The following AMPH variants were observed in gnomAD, a reference collection of about 807,000 sequenced individuals.
AMPH encodes amphiphysin (Stiff-Mann syndrome with breast cancer 128kD autoantigen).
AMPH carries 49 observed loss-of-function variants against 99.1 expected under a neutral mutation model. That is an observed-to-expected ratio of 0.49 (90% confidence interval 0.39 to 0.63). The LOEUF is 0.63. Ranked by LOEUF, AMPH falls within the 20% of genes least tolerant of loss-of-function variation. AMPH has a pLI of 0.00. For missense variants in AMPH, 759 were observed against 863.4 expected (o/e 0.88, Z 1.52); for synonymous variants, 314 against 317.3 (o/e 0.99, Z 0.11).
At chr7:38,551,182 A>G (rs1037958216) in intron 1 of AMPH, among the ~76,000 whole-genome samples, 2 of 152,180 alleles carry the variant, frequency 1.3e-5, no homozygotes, top group African/African-American at 2.4e-5. Context: ...CATCAGGCAA[A>G]TCTATGTCAG....
intron 1 of AMPH, among the ~76,000 whole-genome samples, chr7:38,618,265 C>T (rs767534305): frequency 1.7e-4 from 26 of 151,752 alleles, no homozygotes; most frequent in Non-Finnish European, 3.8e-4. Context: ...ATAATCCCAG[C>T]ACTTTGGGAG....
intron 1 of AMPH, among the ~76,000 whole-genome samples, chr7:38,588,096 G>A (rs961845228): frequency 2.0e-5 from 3 of 151,974 alleles, no homozygotes; most frequent in African/African-American, 7.3e-5. Flanking sequence ...GACTACAGGT[G>A]TGCGCCACCT....
chr7:38,497,162 A>C (rs1788961546), intron 3 of AMPH, among the ~76,000 whole-genome samples: 1 of 152,204 alleles, frequency 6.6e-6, no homozygotes, highest in African/African-American at 2.4e-5. Context: ...CTTCAAGCCT[A>C]GCTCCAGACT....
intron 2 of AMPH, among the ~76,000 whole-genome samples, chr7:38,529,551 G>C (rs1415974881): frequency 1.3e-5 from 2 of 152,202 alleles, no homozygotes; most frequent in East Asian, 3.8e-4. Context: ...GAAAAACACT[G>C]CTCTGGAGGG....
At chr7:38,628,386 A>C (rs571808735) in intron 1 of AMPH, among the ~76,000 whole-genome samples, 54 of 152,234 alleles carry the variant, frequency 3.5e-4, no homozygotes, top group Non-Finnish European at 6.3e-4. Context: ...GGATGCAATA[A>C]GTCTTCTTCT....
chr7:38,624,198 C>T (rs1006497908), intron 1 of AMPH, among the ~76,000 whole-genome samples: 3 of 151,956 alleles, frequency 2.0e-5, no homozygotes, highest in African/African-American at 4.8e-5. Context: ...ACATACAATT[C>T]GCAAGATATT....
chr7:38,400,778 A>T (rs536661665), intron 17 of AMPH, among the ~76,000 whole-genome samples: 4 of 152,322 alleles, frequency 2.6e-5, no homozygotes, highest in Non-Finnish European at 5.9e-5. Context: ...CAATGCCTGA[A>T]AGTAGTGTGT....
At chr7:38,595,084 GC>G (rs1450296052) in intron 1 of AMPH, among the ~76,000 whole-genome samples, 1 of 152,160 alleles carries the variant, frequency 6.6e-6, no homozygotes, top group Non-Finnish European at 1.5e-5. Flanking sequence ...TCTGCTAATG[GC>G]CAGGGCTCTG....
rs550203595 is a variant in AMPH, at chr7:38,466,038, G to A, written c.666+135C>T. 1.8e-5 allele frequency: 12 copies of A among 663,600 alleles called. No individual in the cohort carries two copies. In the African/African-American group the frequency reaches 1.9e-4, roughly 11 times the overall value. The allele number at this position is 663,600 out of a possible 1,614,324, so 41.1% of individuals were successfully genotyped here. On this transcript the variant is annotated intron_variant, in intron 8 of 20. Coordinates refer to ENST00000356264, the MANE Select transcript of AMPH (RefSeq NM_001635.4). ...TGAAAAACCGTAGAAATGTTATCGA[G>A]GGTAATAACACACTGCTAAAAGAAA... is the stretch of plus-strand genomic sequence containing the variant.
chr7:38,396,002 T>C (rs1484195909), intron 17 of AMPH, among the ~76,000 whole-genome samples: 2 of 152,246 alleles, frequency 1.3e-5, no homozygotes, highest in Non-Finnish European at 2.9e-5. Context: ...TTAACAGCTA[T>C]ACTACTCATT....
chr7:38,589,603 C>A (rs545173486), intron 1 of AMPH, among the ~76,000 whole-genome samples: 1 of 152,306 alleles, frequency 6.6e-6, no homozygotes, highest in South Asian at 2.1e-4. Context: ...TATTTCATCA[C>A]AACAATTTTG....
At chr7:38,562,372 A>G (rs1791584523) in intron 1 of AMPH, among the ~76,000 whole-genome samples, 1 of 152,192 alleles carries the variant, frequency 6.6e-6, no homozygotes, top group Non-Finnish European at 1.5e-5. Flanking sequence ...TAATTAAATC[A>G]ATTAATTTTA....
rs1456776229 is a variant in AMPH, at chr7:38,465,535, C to G, written c.681G>C (p.Leu227=). The G allele has an allele frequency of 6.3e-7, 1 of 1,582,346 alleles. No homozygotes were observed. Among genetic ancestry groups the G allele is most frequent in the East Asian group, 2.3e-5 (1 of 44,088 alleles). The change falls in exon 9 of 21, where the codon CTG becomes CTC. Residue 227 remains leucine, a synonymous_variant. Coordinates refer to ENST00000356264, the MANE Select transcript of AMPH (RefSeq NM_001635.4). ...HKEIAVLCHK[L]YEVMTKLGDQ... is the part of the protein sequence containing the mutation. ...CACCCAGTTTTGTCATCACTTCATA[C>G]AGTTTGTGGCAAAGCTAAGGGGACA...
intron 11 of AMPH, among the ~76,000 whole-genome samples, chr7:38,453,351 T>C (rs890787415): frequency 2.6e-5 from 4 of 152,200 alleles, no homozygotes; most frequent in Admixed American, 6.5e-5. Context: ...CTTGGGGTTA[T>C]GCATAAAGCA....
chr7:38,500,223 G>A (rs1789085852), intron 3 of AMPH, among the ~76,000 whole-genome samples: 1 of 152,200 alleles, frequency 6.6e-6, no homozygotes, highest in Non-Finnish European at 1.5e-5. Flanking sequence ...GGACTTCTGA[G>A]TTGACTTTAG....
intron 17 of AMPH, among the ~76,000 whole-genome samples, chr7:38,407,765 T>TAGGGA (rs762820939): frequency 9.2e-5 from 14 of 152,176 alleles, no homozygotes; most frequent in South Asian, 2.1e-4. Flanking sequence ...ATACTACAGT[T>TAGGGA]AGAGAACAGC....
intron 11 of AMPH, among the ~76,000 whole-genome samples, chr7:38,453,314 A>G (rs558116833): frequency 6.6e-6 from 1 of 152,268 alleles, no homozygotes; most frequent in East Asian, 1.9e-4. Flanking sequence ...GAGACACTGA[A>G]AGCTCCCACA....
intron 17 of AMPH, among the ~76,000 whole-genome samples, chr7:38,407,510 A>G (rs1785079674): frequency 6.6e-6 from 1 of 152,062 alleles, no homozygotes; most frequent in Non-Finnish European, 1.5e-5. Context: ...TATTGGGTAT[A>G]AAGTTCACTA....
At chr7:38,569,389 ATATC>A (rs1208159047) in intron 1 of AMPH, among the ~76,000 whole-genome samples, 1 of 152,102 alleles carries the variant, frequency 6.6e-6, no homozygotes, top group African/African-American at 2.4e-5. Flanking sequence ...ATGTGTATTC[ATATC>A]TATCTATATT....
Sources: allele counts gnomAD v4.1 joint callset (sites outside exome capture counted in the v4.1 genomes callset), GRCh38; gene constraint gnomAD v4.1.1; transcripts MANE v1.5; gene names NCBI Gene and HGNC (gene_info 2026-07-23, HGNC 2026-07-21).